NDE1: variants seen among roughly 807,000 people sequenced by gnomAD.
NDE1 encodes the protein nudE neurodevelopment protein 1, also known as nuclear distribution protein nudE homolog 1.
In NDE1, 28 loss-of-function variants were observed where a neutral mutation model predicts 43.4. That is an observed-to-expected ratio of 0.65 (90% confidence interval 0.48 to 0.89). The LOEUF (loss-of-function observed/expected upper bound fraction) is 0.89, where lower values mean the gene tolerates loss of function less well. NDE1 is among the 40% of genes least tolerant of loss of function. NDE1 has a pLI of 0.00. For missense variants in NDE1, 441 were observed against 434.1 expected (o/e 1.02, Z -0.14); for synonymous variants, 184 against 172.0 (o/e 1.07, Z -0.55).
intron 8 of NDE1, among the ~76,000 whole-genome samples, chr16:15,706,658 CGTT>C (rs973633122): frequency 6.6e-6 from 1 of 151,294 alleles, no homozygotes; most frequent in African/African-American, 2.4e-5. Flanking sequence ...AGTGAGCCAA[CGTT>C]GTGCCACTGC....
chr16:15,665,988 T>C (rs1832292419), intron 2 of NDE1, among the ~76,000 whole-genome samples: 1 of 152,054 alleles, frequency 6.6e-6, no homozygotes, highest in South Asian at 2.1e-4. Context: ...ACTCCCAACC[T>C]CAGGTGATCC....
intron 3 of NDE1, among the ~76,000 whole-genome samples, chr16:15,670,114 C>G (rs946711425): frequency 6.6e-6 from 1 of 152,160 alleles, no homozygotes; most frequent in Non-Finnish European, 1.5e-5. Flanking sequence ...CTCTGAGATT[C>G]CATTTCTCAG....
At chr16:15,678,396 GTC>G (rs1437510862) in intron 4 of NDE1, among the ~76,000 whole-genome samples, 36 of 152,056 alleles carry the variant, frequency 2.4e-4, no homozygotes, top group Non-Finnish European at 5.9e-5. Flanking sequence ...GAGACGGAGA[GTC>G]TCTGTCGCCA....
chr16:15,711,184 G>A (rs571217771), intron 8 of NDE1: 1 of 152,346 alleles, frequency 6.6e-6, no homozygotes, highest in South Asian at 2.1e-4. Flanking sequence ...CTTCTCAGAG[G>A]GGTTTGGACT....
In NDE1 at chr16:15,719,612, C is replaced by G. The variant is rs754570649; in HGVS notation, c.948-4579C>G. ...CTTGTAGCTGCATGAGGTCTGCTTC[C>G]AAGCTCTTGGCTTTCTTCTCATTCT... On this transcript the variant is annotated intron_variant, in intron 8 of 8. Coordinates refer to ENST00000396354, the MANE Select transcript of NDE1 (RefSeq NM_017668.3). 12 of 1,614,090 alleles carry G rather than the reference C, an allele frequency of 7.4e-6. No homozygotes were observed. The highest frequency in any genetic ancestry group is 9.3e-6 in the Non-Finnish European group (11 of 1,180,060).
intron 1 of NDE1, among the ~76,000 whole-genome samples, chr16:15,645,160 T>G (rs1468732794): frequency 6.6e-6 from 1 of 152,150 alleles, no homozygotes; most frequent in Non-Finnish European, 1.5e-5. Flanking sequence ...CCTCAAGTGA[T>G]CCTCCCGCCT....
At chr16:15,696,980 C>T (rs2039047589) in intron 8 of NDE1, 120 bp downstream of exon 8, 1 of 1,541,906 alleles carries the variant, frequency 6.5e-7, no homozygotes, top group Non-Finnish European at 8.7e-7. Flanking sequence ...TTTCAGCAAA[C>T]CTTATCCTCT....
intron 4 of NDE1, among the ~76,000 whole-genome samples, chr16:15,679,102 CAAAA>C (rs894585754): frequency 6.6e-5 from 10 of 151,724 alleles, no homozygotes; most frequent in African/African-American, 2.4e-4. Context: ...CAAAAAACAA[CAAAA>C]AAACAAAAAA....
intron 8 of NDE1, chr16:15,714,737 C>G (rs1313701190): frequency 1.8e-5 from 15 of 847,954 alleles, no homozygotes; most frequent in Non-Finnish European, 2.8e-5. Context: ...CGGGTCTGAT[C>G]TCAGTGCCTG....
intron 8 of NDE1, chr16:15,713,138 G>A (rs557027084): frequency 1.5e-4 from 23 of 152,100 alleles, no homozygotes; most frequent in African/African-American, 5.3e-4. Flanking sequence ...GCAAATGAAA[G>A]AGAAAACCTT....
intron 8 of NDE1, chr16:15,708,985 C>T: frequency 1.1e-6 from 1 of 903,302 alleles, no homozygotes; most frequent in Non-Finnish European, 1.8e-6. Context: ...CTCTGTCACC[C>T]AGGCTGGAGT....
intron 8 of NDE1, among the ~76,000 whole-genome samples, chr16:15,711,973 T>G (rs867599770): frequency 1.3e-5 from 2 of 152,098 alleles, no homozygotes; most frequent in African/African-American, 4.8e-5. Context: ...GATTAAGGGG[T>G]GAGCCACTGC....
chr16:15,662,319 G>A (rs1398485325), intron 1 of NDE1, among the ~76,000 whole-genome samples: 2 of 112,726 alleles, frequency 1.8e-5, no homozygotes, highest in African/African-American at 3.5e-5. Context: ...GTCTTGATCT[G>A]TCGCCCAGGC....
intron 8 of NDE1, chr16:15,718,529 C>G: frequency 6.7e-7 from 1 of 1,487,674 alleles, no homozygotes; most frequent in Non-Finnish European, 9.0e-7. Flanking sequence ...GGGTATTGCC[C>G]TCATCATCTA....
At chr16:15,705,895 G>A (rs571542328) in intron 8 of NDE1, among the ~76,000 whole-genome samples, 2 of 145,996 alleles carry the variant, frequency 1.4e-5, no homozygotes, top group South Asian at 2.2e-4. Flanking sequence ...TGAGGCAGGA[G>A]AATGACATGA....
chr16:15,714,642 C>T (rs1175507806), intron 8 of NDE1: 5 of 576,546 alleles, frequency 8.7e-6, no homozygotes, highest in East Asian at 2.9e-5. Flanking sequence ...TAGCCTCTTC[C>T]TCCTCCTCAG....
At position 15,725,128 on chromosome 16, in the gene NDE1, C is replaced by T; in HGVS notation, c.*877C>T. 2 of 656,090 alleles carry T rather than the reference C, an allele frequency of 3.0e-6. No individual in the cohort carries two copies. Among genetic ancestry groups the T allele is most frequent in the Non-Finnish European group, 5.2e-6 (2 of 382,314 alleles). 40.6% of individuals were successfully genotyped at this position (656,090 alleles called of 1,614,324 possible). On this transcript the variant is annotated 3_prime_UTR_variant, in exon 9 of 9. Transcript: ENST00000396354. ...GAGAAAATACCCGTGAGGTATGGGACTCTGATAAAAAAAAAAAAAAACACA... is the reference window on the plus strand; with the variant it reads ...GAGAAAATACCCGTGAGGTATGGGATTCTGATAAAAAAAAAAAAAAACACA...
rs1339839580 is a variant in NDE1, at chr16:15,677,882, A to G, written c.319A>G (p.Lys107Glu). Residue 107 changes from lysine to glutamate, a missense_variant, in exon 4 of 9, where the codon AAA (lysine) becomes GAA (glutamate). By Grantham distance (56) the Lys-to-Glu change is moderately conservative. Coordinates refer to ENST00000396354, the MANE Select transcript of NDE1 (RefSeq NM_017668.3). The part of the protein sequence containing the change: ...EDDLAQTKAI[K>E]DQLQKYIREL... The stretch of plus-strand genomic sequence containing the variant: ...TGACCTCGCGCAGACCAAAGCCATT[A>G]AAGACCAATTGCAGAAATACATCAG... The G allele has an allele frequency of 1.9e-6, 3 of 1,614,012 alleles. No homozygotes were observed. Among genetic ancestry groups the G allele is most frequent in the East Asian group, 2.2e-5 (1 of 44,888 alleles).
At chr16:15,704,224 C>T in intron 8 of NDE1, 1 of 1,428,674 alleles carries the variant, frequency 7.0e-7, no homozygotes, top group South Asian at 1.2e-5. Context: ...AGTCCTATTG[C>T]AATATAAATT....
Sources: allele counts gnomAD v4.1 joint callset (sites outside exome capture counted in the v4.1 genomes callset), GRCh38; gene constraint gnomAD v4.1.1; transcripts MANE v1.5; gene names NCBI Gene and HGNC (gene_info 2026-07-23, HGNC 2026-07-21).